The following CNTROB variants were observed in gnomAD, a reference collection of about 807,000 sequenced individuals.
The protein encoded by CNTROB is centrobin.
A neutral mutation model predicts 115.7 loss-of-function variants in CNTROB; 82 were observed. That is an observed-to-expected ratio of 0.71 (90% CI 0.59 to 0.85). CNTROB has a LOEUF of 0.85. Among genes scored for constraint, CNTROB ranks in the 40% least tolerant of loss-of-function variants. The pLI is 0.00. For missense variants in CNTROB, 1,014 were observed against 1,144.4 expected (o/e 0.89, Z 1.64); for synonymous variants, 439 against 456.4 (o/e 0.96, Z 0.49).
rs1160149367 is a variant in CNTROB at position 7,949,734 on chromosome 17, A to G, written c.*224A>G. On this transcript the variant is annotated 3_prime_UTR_variant, in exon 19 of 19. Transcript: ENST00000563694. ...ACATGAATGCTTTGGAAGACGGTCT[A>G]TGACAAGATTTGGAAAGTTGGGGCG... The G allele has an allele frequency of 9.5e-6, 4 of 421,722 alleles. No homozygotes were observed. Among genetic ancestry groups the G allele is most frequent in the Non-Finnish European group, 1.2e-5 (3 of 245,824 alleles). The allele number at this position is 421,722 out of a possible 1,614,324, so 26.1% of individuals were successfully genotyped here.
In CNTROB at chr17:7,935,159, G is replaced by C. The variant is rs747247020; in HGVS notation, c.594+14G>C. 1 of 1,613,788 alleles carries C rather than the reference G, an allele frequency of 6.2e-7. No individual in the cohort carries two copies. The highest frequency in any genetic ancestry group is 8.5e-7 in the Non-Finnish European group (1 of 1,180,018). Reference sequence around the variant, plus strand: ...ACCCGCCGCAAGGTAAGATGCAAACGCTTCCTTTCGAAAGCAGCAAAGATT... The same window carrying C: ...ACCCGCCGCAAGGTAAGATGCAAACCCTTCCTTTCGAAAGCAGCAAAGATT... On this transcript the variant is annotated intron_variant, in intron 4 of 18. Coordinates refer to ENST00000563694, the MANE Select transcript of CNTROB (RefSeq NM_053051.5).
At chr17:7,938,324 G>C (rs529923059) in intron 7 of CNTROB, among the ~76,000 whole-genome samples, 3 of 151,484 alleles carry the variant, frequency 2.0e-5, no homozygotes, top group Middle Eastern at 3.2e-3. Flanking sequence ...AAGTCTCTTA[G>C]AGCTGAAATG....
intron 18 of CNTROB, 100 bp downstream of exon 18, chr17:7,949,257 G>A: frequency 6.4e-7 from 1 of 1,564,768 alleles, no homozygotes; most frequent in Non-Finnish European, 8.8e-7. Context: ...TTCCACCCCT[G>A]CATTCTGTAG....
In CNTROB at chr17:7,940,204, G is replaced by C. The variant is rs1163137944; in HGVS notation, c.1273G>C (p.Glu425Gln). Reference protein sequence around the residue: ...LEGELDTARRERDALQLEMSL... With the variant: ...LEGELDTARRQRDALQLEMSL... ...AGGAGAGCTGGATACAGCTCGGAGA[G>C]AGAGAGATGCCCTGCAGCTGGAAAT... Residue 425 changes from glutamate (E) to glutamine (Q), a missense_variant, in exon 9 of 19, where the codon GAG becomes CAG. Glu to Gln is a conservative substitution (Grantham distance 29). Coordinates refer to ENST00000563694, the MANE Select transcript of CNTROB (RefSeq NM_053051.5). 1 of 1,611,776 alleles carries C rather than the reference G, an allele frequency of 6.2e-7. No individual in the cohort carries two copies. Among genetic ancestry groups the C allele is most frequent in the East Asian group, 2.2e-5 (1 of 44,746 alleles).
chr17:7,943,620 C>T lies in CNTROB; in HGVS notation c.1445+96C>T. 1.5e-6 allele frequency: 2 copies of T among 1,335,704 alleles called. No homozygotes were observed. The highest frequency in any genetic ancestry group is 2.0e-6 in the Non-Finnish European group (2 of 985,004). 82.7% of individuals were successfully genotyped at this position (1,335,704 alleles called of 1,614,324 possible). A position where few individuals can be genotyped will look rare whatever the true frequency, so the allele number is the denominator to read the frequency against. On this transcript the variant is annotated intron_variant, in intron 10 of 18. Transcript: ENST00000563694. This position sits in a 1 kb window ranked among gnomAD's most constrained non-coding sequence, Gnocchi z 4.7. ...CTTCAATCCCTTTGCCATGGTCCAG[C>T]ACTGTGACTCCCAGGGTGCGCTAAC... is the stretch of plus-strand genomic sequence containing the variant.
rs1973158720 is a variant in CNTROB at position 7,936,301 on chromosome 17, G to T, written c.595-65G>T. Reference sequence around the variant, plus strand: ...GCCCACTCCCCCACTAGAGGAGCTGGAAAGTTTGGTGCTGTGGTCATACCA... The same window carrying T: ...GCCCACTCCCCCACTAGAGGAGCTGTAAAGTTTGGTGCTGTGGTCATACCA... On this transcript the variant is annotated intron_variant, in intron 4 of 18. Coordinates refer to ENST00000563694, the MANE Select transcript of CNTROB (RefSeq NM_053051.5). 5 of 789,792 alleles carry T rather than the reference G, an allele frequency of 6.3e-6. No individual in the cohort carries two copies. In the East Asian group the frequency reaches 7.3e-5, roughly 12 times the overall value. 48.9% of individuals were successfully genotyped at this position (789,792 alleles called of 1,614,324 possible). A position where few individuals can be genotyped will look rare whatever the true frequency, so the allele number is the denominator to read the frequency against.
Position 7,936,366 on chromosome 17 carries a change from C to T in CNTROB, c.595C>T (p.His199Tyr). 1 of 1,299,772 alleles carries T rather than the reference C, an allele frequency of 7.7e-7. No individual in the cohort carries two copies. The highest frequency in any genetic ancestry group is 1.1e-6 in the Non-Finnish European group (1 of 893,428). The allele number at this position is 1,299,772 out of a possible 1,614,324, so 80.5% of individuals were successfully genotyped here. The stretch of plus-strand genomic sequence containing the variant: ...CCAGACTCCTCACCCTTTTCCCCAG[C>T]ATTGTGAGCGCCATATTCAGAGCCT... ...ALDSEHTRRK[H>Y]CERHIQSLQT... Residue 199 changes from histidine to tyrosine, a missense_variant and splice_region_variant, in exon 5 of 19, where the codon CAT becomes TAT. By Grantham distance (83) the His-to-Tyr change is moderately conservative (BLOSUM62 2). Transcript: ENST00000563694.
intron 9 of CNTROB, among the ~76,000 whole-genome samples, chr17:7,942,841 T>G (rs1974064282): frequency 8.8e-6 from 1 of 114,090 alleles, no homozygotes; most frequent in African/African-American, 3.4e-5. Flanking sequence ...TCGCTGTGTC[T>G]CCCAGGTTGG....
At position 7,939,542 on chromosome 17, in the gene CNTROB, G is replaced by A. The variant is rs1973598268; in HGVS notation, c.957G>A (p.Arg319=). 8 of 1,614,182 alleles carry A rather than the reference G, an allele frequency of 5.0e-6. No individual in the cohort carries two copies. Among genetic ancestry groups the A allele is most frequent in the Middle Eastern group, 3.3e-4 (2 of 6,062 alleles). Reference sequence around the variant, plus strand: ...AGGAAAGGCAAGCTCTGACTCTGAGGTTGGAGGCAGAACAGCAGCGGTGCT... The same window carrying A: ...AGGAAAGGCAAGCTCTGACTCTGAGATTGGAGGCAGAACAGCAGCGGTGCT... ...LEEERQALTL[R]LEAEQQRCCV... is the part of the protein sequence containing the mutation. Residue 319 remains arginine (R), a synonymous_variant, in exon 8 of 19, where the codon AGG becomes AGA. Coordinates refer to ENST00000563694, the MANE Select transcript of CNTROB (RefSeq NM_053051.5). The surrounding 1 kb of genome is among the most constrained non-coding windows in gnomAD (Gnocchi z 4.4).
chr17:7,932,395 G>C lies in CNTROB; in HGVS notation c.-685G>C, dbSNP rs1054822077. ...CTCGGGCTAGGCTTGAGGGCGGCGT[G>C]CTTCTTAGGGACGACTTAGGGCGTG... is the stretch of plus-strand genomic sequence containing the variant. On this transcript the variant is annotated 5_prime_UTR_variant, in exon 1 of 19. Coordinates refer to ENST00000563694, the MANE Select transcript of CNTROB (RefSeq NM_053051.5). The C allele has an allele frequency of 6.2e-6, 1 of 162,170 alleles. No homozygotes were observed. The highest frequency in any genetic ancestry group is 1.4e-5 in the Non-Finnish European group (1 of 73,814). 10.0% of individuals were successfully genotyped at this position (162,170 alleles called of 1,614,324 possible).
chr17:7,935,137 C>T lies in CNTROB; in HGVS notation c.586C>T (p.Arg196Cys), dbSNP rs199688815. The T allele has an allele frequency of 2.7e-5, 44 of 1,614,018 alleles. No individual in the cohort carries two copies. The highest frequency in any genetic ancestry group is 3.3e-5 in the Non-Finnish European group (39 of 1,180,038). ...AGATGCATTGGATTCAGAGCATACCCGCCGCAAGGTAAGATGCAAACGCTT... is the reference window on the plus strand; with the variant it reads ...AGATGCATTGGATTCAGAGCATACCTGCCGCAAGGTAAGATGCAAACGCTT... ...LRDALDSEHT[R>C]RKHCERHIQS... The change falls in exon 4 of 19, where the codon CGC (arginine) becomes TGC (cysteine). Residue 196 changes from arginine to cysteine, a missense_variant. Transcript: ENST00000563694.
Position 7,946,869 on chromosome 17 carries a change from TAA to T in CNTROB, c.1994-689_1994-688del, listed in dbSNP as rs35177972. ...GGCAACACAGCAAGACTCTGTCTCT[TAA>T]AAAAAAAAAAAAGAGATTACAGCTC... On this transcript the variant is annotated intron_variant, in intron 13 of 18. Coordinates refer to ENST00000563694, the MANE Select transcript of CNTROB (RefSeq NM_053051.5). Among the ~76,000 whole-genome samples, 250 of 145,016 alleles carry T rather than the reference TAA, an allele frequency of 1.7e-3. 1 individual carries two copies. The highest frequency in any genetic ancestry group is 7.2e-3 in the Middle Eastern group (2 of 278).
Position 7,945,816 on chromosome 17 carries a change from C to T in CNTROB, c.1823C>T (p.Ala608Val), listed in dbSNP as rs770244902. The T allele has an allele frequency of 1.9e-6, 3 of 1,614,210 alleles. No homozygotes were observed. The highest frequency in any genetic ancestry group is 2.5e-6 in the Non-Finnish European group (3 of 1,180,032). ...TGGACTATGCCTCCCATGGCCGTGG[C>T]CCTGAAGCCTGTATTGCAGCAGAGC... is the stretch of plus-strand genomic sequence containing the variant. ...RVWTMPPMAV[A>V]LKPVLQQSRE... is the part of the protein sequence containing the mutation. Residue 608 changes from alanine (A) to valine (V), a missense_variant, in exon 13 of 19, where the codon GCC (alanine) becomes GTC (valine). Coordinates refer to ENST00000563694, the MANE Select transcript of CNTROB (RefSeq NM_053051.5).
intron 13 of CNTROB, 32 bp from the exon 14 acceptor site, chr17:7,947,539 T>C: frequency 6.4e-7 from 1 of 1,570,624 alleles, no homozygotes; most frequent in South Asian, 1.2e-5. Flanking sequence ...CTGAACACAC[T>C]TGCACCCACC....
chr17:7,940,281 G>C (rs1391587764), intron 9 of CNTROB, 39 bp downstream of exon 9: 1 of 1,552,742 alleles, frequency 6.4e-7, no homozygotes, highest in Admixed American at 1.9e-5. Context: ...TGTTCTGACA[G>C]AAGTAGATCT....
chr17:7,932,100 C>T (rs1424681076), upstream of CNTROB: 25 of 515,686 alleles, frequency 4.8e-5, no homozygotes, highest in Non-Finnish European at 5.6e-5. Flanking sequence ...CCACCGGAGC[C>T]GCGCACGCGC....
Position 7,949,419 on chromosome 17 carries a change from C to T in CNTROB, c.2621C>T (p.Thr874Ile), listed in dbSNP as rs758029774. ...PSQAVPRRLA[T>I]APKTEKPPAR... ...CAGGCTGTCCCTCGCCGCCTTGCTACAGCCCCCAAGACTGAAAAACCTCCC... is the reference window on the plus strand; with the variant it reads ...CAGGCTGTCCCTCGCCGCCTTGCTATAGCCCCCAAGACTGAAAAACCTCCC... The change falls in exon 19 of 19, where the codon ACA becomes ATA. Residue 874 changes from threonine (T) to isoleucine (I), a missense_variant. By Grantham distance (89) the Thr-to-Ile change is moderately conservative. Coordinates refer to ENST00000563694, the MANE Select transcript of CNTROB (RefSeq NM_053051.5). 4 of 1,614,062 alleles carry T rather than the reference C, an allele frequency of 2.5e-6. No individual in the cohort carries two copies. The highest frequency in any genetic ancestry group is 2.7e-5 in the African/African-American group (2 of 74,914).
chr17:7,933,036 C>A lies in CNTROB; in HGVS notation c.-44C>A. 2.5e-6 allele frequency: 4 copies of A among 1,589,602 alleles called. No homozygotes were observed. Among genetic ancestry groups the A allele is most frequent in the African/African-American group, 1.4e-5 (1 of 74,004 alleles). ...CCTCCTGGACTTTGCTAAAGCAGAACCTCCCAGCTCTTTGCTGTCTCCGGT... is the reference window on the plus strand; with the variant it reads ...CCTCCTGGACTTTGCTAAAGCAGAAACTCCCAGCTCTTTGCTGTCTCCGGT... On this transcript the variant is annotated 5_prime_UTR_variant, in exon 1 of 19. Coordinates refer to ENST00000563694, the MANE Select transcript of CNTROB (RefSeq NM_053051.5).
rs375790050 is a variant in CNTROB, at chr17:7,934,570, T to G, written c.437+24T>G. 4.5e-4 allele frequency: 715 copies of G among 1,591,518 alleles called. 3 individuals carry two copies. The highest frequency in any genetic ancestry group is 1.0e-3 in the South Asian group (92 of 90,640). On this transcript the variant is annotated intron_variant, in intron 3 of 18. Transcript: ENST00000563694. ...AAGTGAGTTCTCCTTGTGGTTCTCC[T>G]AGCTTGTTTGCTTTCTTGGAAATCC...
Sources: allele counts gnomAD v4.1 joint callset (sites outside exome capture counted in the v4.1 genomes callset), GRCh38; gene constraint gnomAD v4.1.1; non-coding constraint Gnocchi (gnomAD v3.1); transcripts MANE v1.5; gene names NCBI Gene and HGNC (gene_info 2026-07-23, HGNC 2026-07-21).